XPO7: variants seen among roughly 807,000 people sequenced by gnomAD.
The protein encoded by XPO7 is exportin-7.
In XPO7, 21 loss-of-function variants were observed where a neutral mutation model predicts 144.3. The observed-to-expected ratio is 0.15, with a 90% CI of 0.10 to 0.21. The LOEUF (loss-of-function observed/expected upper bound fraction) is 0.21, where lower values mean the gene tolerates loss of function less well. Ranked by LOEUF, XPO7 falls within the 10% of genes least tolerant of loss-of-function variation. The pLI is 1.00. For missense variants in XPO7, 808 were observed against 1,325.8 expected (o/e 0.61, Z 6.06); for synonymous variants, 580 against 499.6 (o/e 1.16, Z -2.15).
intron 2 of XPO7, among the ~76,000 whole-genome samples, chr8:21,967,504 A>AT (rs35192011): frequency 4.6e-5 from 7 of 151,370 alleles, no homozygotes; most frequent in African/African-American, 9.7e-5. Context: ...CTAATTTTGT[A>AT]TTTTTTTTAG....
chr8:21,986,585 T>C (rs4871908), intron 13 of XPO7, among the ~76,000 whole-genome samples: 26,767 of 152,222 alleles, frequency 0.18, 2,870 homozygotes, highest in Non-Finnish European at 0.24. Flanking sequence ...TGGCATTTTT[T>C]GAAGAGTTGA....
chr8:21,922,994 G>C (rs1018315468), intron 1 of XPO7, among the ~76,000 whole-genome samples: 18 of 152,282 alleles, frequency 1.2e-4, no homozygotes, highest in Non-Finnish European at 2.6e-4. Flanking sequence ...AATTTTAGCA[G>C]GGTGCAAAAA....
chr8:21,919,972 G>C lies in XPO7; in HGVS notation c.18+184G>C, dbSNP rs568235880. Among the ~76,000 whole-genome samples the C allele has an allele frequency of 4.4e-4, 67 of 151,528 alleles. 1 individual carries two copies. In the East Asian group the frequency reaches 0.013, roughly 29 times the overall value. On this transcript the variant is annotated intron_variant, in intron 1 of 27. Coordinates refer to ENST00000252512, the MANE Select transcript of XPO7 (RefSeq NM_015024.5). ...GCCTTTCCCGCCTCCCGGGCCGGGG[G>C]CCTTCTCCGTCCCCTCCCACCCGGT... is the stretch of plus-strand genomic sequence containing the variant.
intron 1 of XPO7, among the ~76,000 whole-genome samples, chr8:21,963,749 C>G (rs570814805): frequency 6.6e-6 from 1 of 151,656 alleles, no homozygotes; most frequent in African/African-American, 2.4e-5. Context: ...ATACTATACA[C>G]AAAGTAAAAT....
intron 1 of XPO7, among the ~76,000 whole-genome samples, chr8:21,924,410 C>A (rs1166227696): frequency 6.6e-6 from 1 of 152,032 alleles, no homozygotes; most frequent in African/African-American, 2.4e-5. Flanking sequence ...CCCCAGAAGT[C>A]CCCTGATACC....
intron 4 of XPO7, among the ~76,000 whole-genome samples, chr8:21,971,460 C>CT (rs1812061198): frequency 6.6e-6 from 1 of 152,102 alleles, no homozygotes; most frequent in African/African-American, 2.4e-5. Context: ...TTATTTATTG[C>CT]TTATATTTGT....
intron 21 of XPO7, among the ~76,000 whole-genome samples, chr8:21,996,640 A>G (rs1812958488): frequency 6.6e-6 from 1 of 152,198 alleles, no homozygotes; most frequent in South Asian, 2.1e-4. Context: ...ATCAATAAAA[A>G]TTTACTTTTA....
chr8:21,953,549 C>A (rs1333459144), intron 1 of XPO7, among the ~76,000 whole-genome samples: 3 of 152,200 alleles, frequency 2.0e-5, no homozygotes, highest in African/African-American at 7.2e-5. Flanking sequence ...AGCGCAATTG[C>A]TGGATCATAT....
At chr8:21,937,771 A>G (rs564549957) in intron 1 of XPO7, among the ~76,000 whole-genome samples, 2 of 152,294 alleles carry the variant, frequency 1.3e-5, no homozygotes, top group South Asian at 2.1e-4. Flanking sequence ...CTCTTTTATA[A>G]AAGGAATATA....
chr8:21,973,847 C>G (rs1174482597), intron 5 of XPO7, among the ~76,000 whole-genome samples: 2 of 152,114 alleles, frequency 1.3e-5, no homozygotes, highest in Non-Finnish European at 2.9e-5. Context: ...ATAAATTTAG[C>G]TGAAAAGACA....
chr8:21,931,475 G>C (rs902889501), intron 1 of XPO7, among the ~76,000 whole-genome samples: 6 of 152,138 alleles, frequency 3.9e-5, no homozygotes, highest in Non-Finnish European at 7.3e-5. Flanking sequence ...TTAACTTACA[G>C]CAACCGCAAG....
At chr8:21,989,962 G>C (rs1400769117) in intron 16 of XPO7, among the ~76,000 whole-genome samples, 20 of 148,168 alleles carry the variant, frequency 1.3e-4, no homozygotes, top group Admixed American at 6.2e-4. Context: ...CCATTCTCCT[G>C]CCTCAGCCTT....
intron 1 of XPO7, among the ~76,000 whole-genome samples, chr8:21,950,838 T>C (rs1811345604): frequency 6.6e-6 from 1 of 152,018 alleles, no homozygotes. Context: ...AAATGAGGTA[T>C]ATATAAAGTA....
At chr8:21,935,873 G>A (rs567554956) in intron 1 of XPO7, among the ~76,000 whole-genome samples, 1 of 152,154 alleles carries the variant, frequency 6.6e-6, no homozygotes, top group East Asian at 1.9e-4. Context: ...TGTCTCGTCT[G>A]CAAATCCCAC....
intron 1 of XPO7, among the ~76,000 whole-genome samples, chr8:21,950,179 A>G (rs1811322635): frequency 6.6e-6 from 1 of 152,232 alleles, no homozygotes; most frequent in Non-Finnish European, 1.5e-5. Context: ...GAAATCTTTT[A>G]CGTTTCTGAA....
At chr8:21,967,512 T>A (rs950254560) in intron 2 of XPO7, among the ~76,000 whole-genome samples, 1 of 152,128 alleles carries the variant, frequency 6.6e-6, no homozygotes, top group Non-Finnish European at 1.5e-5. Flanking sequence ...GTATTTTTTT[T>A]AGTAGAGACG....
At chr8:21,936,780 C>T (rs933045418) in intron 1 of XPO7, among the ~76,000 whole-genome samples, 10 of 151,960 alleles carry the variant, frequency 6.6e-5, no homozygotes, top group African/African-American at 1.7e-4. Context: ...TATTAGTGGC[C>T]AGTGTGAAAC....
chr8:21,947,068 G>C (rs186704474), intron 1 of XPO7, among the ~76,000 whole-genome samples: 1 of 152,338 alleles, frequency 6.6e-6, no homozygotes. Context: ...AAATGCCATA[G>C]AAGTGTTTGG....
chr8:21,930,691 A>T (rs1331228367), intron 1 of XPO7, among the ~76,000 whole-genome samples: 2 of 152,188 alleles, frequency 1.3e-5, no homozygotes, highest in East Asian at 3.8e-4. Flanking sequence ...TAGCATAATA[A>T]TTGTACCGTA....
Sources: gnomAD v4.1 joint callset for allele counts (sites outside exome capture counted in the v4.1 genomes callset) on GRCh38, gnomAD v4.1.1 for gene constraint, MANE v1.5 for transcripts, NCBI Gene and HGNC (gene_info 2026-07-23, HGNC 2026-07-21) for gene names.